The following GPC6 variants were observed in gnomAD, a reference collection of about 807,000 sequenced individuals.
The protein encoded by GPC6 is glypican-6.
Under a neutral mutation model 55.2 loss-of-function variants are expected in GPC6, and 14 were observed. The ratio of observed to expected loss-of-function variants is 0.25; its 90% confidence interval spans 0.17 to 0.40. GPC6 has a LOEUF of 0.40. Ranked by LOEUF, GPC6 falls within the 10% of genes least tolerant of loss-of-function variation. GPC6 has a pLI of 1.00. For synonymous variants in GPC6, 278 were observed against 259.6 expected (o/e 1.07, Z -0.68); for missense variants, 641 against 708.5 (o/e 0.90, Z 1.08).
At chr13:93,757,089 A>C (rs569862142) in intron 2 of GPC6, among the ~76,000 whole-genome samples, 2 of 152,338 alleles carry the variant, frequency 1.3e-5, no homozygotes, top group African/African-American at 4.8e-5. Flanking sequence ...TTAGCTAAAC[A>C]AGAAAAACCA....
intron 3 of GPC6, among the ~76,000 whole-genome samples, chr13:93,946,183 T>C (rs1879000032): frequency 6.6e-6 from 1 of 152,212 alleles, no homozygotes; most frequent in African/African-American, 2.4e-5. Flanking sequence ...TGCAAAAGAA[T>C]AATAGCATTA....
intron 3 of GPC6, among the ~76,000 whole-genome samples, chr13:93,912,046 A>G (rs1187130934): frequency 6.6e-6 from 1 of 152,208 alleles, no homozygotes; most frequent in Non-Finnish European, 1.5e-5. Context: ...GACACTAAGC[A>G]TGAGAGCTTT....
At chr13:94,116,769 C>G (rs1886446184) in intron 4 of GPC6, among the ~76,000 whole-genome samples, 1 of 152,076 alleles carries the variant, frequency 6.6e-6, no homozygotes, top group Non-Finnish European at 1.5e-5. Flanking sequence ...TGCCTAGACA[C>G]TGCCTTCAAG....
chr13:93,344,502 A>G (rs1460060305), intron 1 of GPC6, among the ~76,000 whole-genome samples: 1 of 152,182 alleles, frequency 6.6e-6, no homozygotes, highest in East Asian at 1.9e-4. Context: ...GGTTTCATCA[A>G]TAAAGTAGGC....
chr13:93,883,125 T>C (rs2140311467), intron 3 of GPC6, among the ~76,000 whole-genome samples: 1 of 150,924 alleles, frequency 6.6e-6, no homozygotes, highest in African/African-American at 2.4e-5. Context: ...TCCTCTCTGT[T>C]CAATATGCAC....
intron 1 of GPC6, among the ~76,000 whole-genome samples, chr13:93,256,713 A>T (rs1210257984): frequency 6.6e-6 from 1 of 152,192 alleles, no homozygotes; most frequent in Non-Finnish European, 1.5e-5. Flanking sequence ...ACTACTAGGC[A>T]TGTGCTATCA....
At chr13:93,521,902 A>G (rs1279173241) in intron 1 of GPC6, among the ~76,000 whole-genome samples, 2 of 151,974 alleles carry the variant, frequency 1.3e-5, no homozygotes, top group Non-Finnish European at 2.9e-5. Context: ...TTAGGTATAG[A>G]CTTTCTTTTT....
chr13:94,243,668 A>T (rs1306556908), intron 4 of GPC6, among the ~76,000 whole-genome samples: 1 of 152,134 alleles, frequency 6.6e-6, no homozygotes, highest in Non-Finnish European at 1.5e-5. Context: ...TTTTGTTAGA[A>T]AATCAAAGCA....
intron 3 of GPC6, among the ~76,000 whole-genome samples, chr13:93,896,900 C>T (rs1377918143): frequency 6.6e-6 from 1 of 151,118 alleles, no homozygotes; most frequent in African/African-American, 2.4e-5. Flanking sequence ...TCTGCATCTA[C>T]CTTGAACTTT....
intron 4 of GPC6, among the ~76,000 whole-genome samples, chr13:94,047,198 A>G (rs2138747804): frequency 6.6e-6 from 1 of 152,224 alleles, no homozygotes; most frequent in African/African-American, 2.4e-5. Flanking sequence ...TAAAATCAGG[A>G]AAACAGCACT....
chr13:93,307,284 G>A (rs1256383950), intron 1 of GPC6, among the ~76,000 whole-genome samples: 2 of 152,008 alleles, frequency 1.3e-5, no homozygotes, highest in Non-Finnish European at 2.9e-5. Context: ...AATCCTGCCT[G>A]TGAAAAGTGA....
chr13:93,736,060 T>C (rs1004539807), intron 2 of GPC6, among the ~76,000 whole-genome samples: 1 of 152,158 alleles, frequency 6.6e-6, no homozygotes, highest in Admixed American at 6.5e-5. Flanking sequence ...GGTGCTGTGC[T>C]CTTGGCATTC....
intron 3 of GPC6, among the ~76,000 whole-genome samples, chr13:93,985,899 G>C (rs954514312): frequency 1.3e-5 from 2 of 152,102 alleles, no homozygotes; most frequent in African/African-American, 4.8e-5. Flanking sequence ...AATGGGGTTA[G>C]AAAGTGAGGA....
intron 4 of GPC6, among the ~76,000 whole-genome samples, chr13:94,215,583 T>C (rs1247630984): frequency 6.6e-6 from 1 of 152,202 alleles, no homozygotes; most frequent in Non-Finnish European, 1.5e-5. Flanking sequence ...TGTCTAGACA[T>C]ATTTAACAAC....
chr13:93,610,562 A>C (rs1454936137), intron 2 of GPC6, among the ~76,000 whole-genome samples: 1 of 152,184 alleles, frequency 6.6e-6, no homozygotes, highest in Non-Finnish European at 1.5e-5. Context: ...TGGAGGATAT[A>C]CATATATACA....
chr13:93,740,221 T>C (rs1369126349), intron 2 of GPC6, among the ~76,000 whole-genome samples: 1 of 114,160 alleles, frequency 8.8e-6, no homozygotes, highest in Non-Finnish European at 1.6e-5. Flanking sequence ...TTAATTATAT[T>C]AATAATTTAT....
At chr13:93,261,761 T>G (rs1320859661) in intron 1 of GPC6, among the ~76,000 whole-genome samples, 2 of 152,146 alleles carry the variant, frequency 1.3e-5, no homozygotes, top group African/African-American at 4.8e-5. Context: ...GATAAGCTTC[T>G]TAACTGGTGG....
At chr13:93,276,487 AGAGAGAGAGT>A (rs59384271) in intron 1 of GPC6, among the ~76,000 whole-genome samples, 137 of 135,874 alleles carry the variant, frequency 1.0e-3, no homozygotes, top group African/African-American at 3.8e-3. Context: ...AGAGAGAGAG[AGAGAGAGAGT>A]GTGTGTGTGT....
chr13:94,398,466 A>G lies in GPC6; in HGVS notation c.1290A>G (p.Arg430=), dbSNP rs1880988870. 1 of 1,611,592 alleles carries G rather than the reference A, an allele frequency of 6.2e-7. No homozygotes were observed. Among genetic ancestry groups the G allele is most frequent in the African/African-American group, 1.3e-5 (1 of 74,856 alleles). ...TGTTCTCTCACTCTCTGCCTTGCAG[A>G]TACTTGCCTGAGATCATGAATGATG... ...EECWNGHSKA[R]YLPEIMNDGL... Residue 430 remains arginine (R), a splice_region_variant and synonymous_variant, in exon 8 of 9, where the codon AGA becomes AGG. Coordinates refer to ENST00000377047, the MANE Select transcript of GPC6 (RefSeq NM_005708.5).
Sources: gnomAD v4.1 joint callset for allele counts (sites outside exome capture counted in the v4.1 genomes callset) on GRCh38, gnomAD v4.1.1 for gene constraint, MANE v1.5 for transcripts, NCBI Gene and HGNC (gene_info 2026-07-23, HGNC 2026-07-21) for gene names.